The following FAM169A variants were observed in gnomAD, a reference collection of about 807,000 sequenced individuals.
FAM169A encodes family with sequence similarity 169 member A.
In FAM169A, 24 loss-of-function variants were observed where a neutral mutation model predicts 75.7. That is an observed-to-expected ratio of 0.32 (90% CI 0.23 to 0.45). The LOEUF (loss-of-function observed/expected upper bound fraction) is 0.45, where lower values mean the gene tolerates loss of function less well. Among genes scored for constraint, FAM169A ranks in the 20% least tolerant of loss-of-function variants. FAM169A has a pLI of 1.00. For missense variants in FAM169A, 673 were observed against 784.0 expected (o/e 0.86, Z 1.69); for synonymous variants, 271 against 271.0 (o/e 1.00, Z 0.00).
chr5:74,815,929 G>A (rs1747446903), intron 5 of FAM169A, among the ~76,000 whole-genome samples: 1 of 152,174 alleles, frequency 6.6e-6, no homozygotes, highest in South Asian at 2.1e-4. Flanking sequence ...ATATCATCAA[G>A]AAATAATCAT....
intron 1 of FAM169A, among the ~76,000 whole-genome samples, chr5:74,851,324 T>G (rs1749434737): frequency 6.6e-6 from 1 of 152,188 alleles, no homozygotes; most frequent in Non-Finnish European, 1.5e-5. Context: ...GCCTCCATCC[T>G]AATTCCAAGG....
At chr5:74,856,590 C>G (rs1232238138) in intron 1 of FAM169A, among the ~76,000 whole-genome samples, 3 of 151,912 alleles carry the variant, frequency 2.0e-5, no homozygotes, top group Non-Finnish European at 4.4e-5. Context: ...AAATAAAATA[C>G]ACTACATTGC....
rs1047385977 is a variant in FAM169A, at chr5:74,779,309, G to A, written c.*2151C>T. 5.9e-5 allele frequency: 9 copies of A among 152,236 alleles called. No individual in the cohort carries two copies. The highest frequency in any genetic ancestry group is 1.9e-4 in the African/African-American group (8 of 41,570). The allele number at this position is 152,236 out of a possible 1,614,324, so 9.4% of individuals were successfully genotyped here. A position where few individuals can be genotyped will look rare whatever the true frequency, so the allele number is the denominator to read the frequency against. On this transcript the variant is annotated 3_prime_UTR_variant, in exon 13 of 13. Transcript: ENST00000687041. ...ACACTTGTCTAAAGAAAGTCTTTTA[G>A]TGCTCACTTCGGCAGCACATATACT...
In FAM169A at chr5:74,803,209, G is replaced by A. The variant is rs373371818; in HGVS notation, c.912+1284C>T. Among the ~76,000 whole-genome samples, 20 of 152,116 alleles carry A rather than the reference G, an allele frequency of 1.3e-4. No individual in the cohort carries two copies. The East Asian group carries it at 3.3e-3, about 25-fold the overall frequency. On this transcript the variant is annotated intron_variant, in intron 8 of 12. Transcript: ENST00000687041. ...TAAAATTATTTGGCTTAGTATTAAA[G>A]TAAATCATTGCTCTCGTTACATTTA...
At chr5:74,865,950 G>A (rs1017896166) in intron 1 of FAM169A, 1 of 153,522 alleles carries the variant, frequency 6.5e-6, no homozygotes, top group African/African-American at 2.4e-5. Context: ...ACGCCCTACG[G>A]GATCCCCGCA....
In FAM169A at chr5:74,799,065, C is replaced by T. The variant is rs532679374; in HGVS notation, c.1103+1815G>A. The T allele has an allele frequency of 6.7e-4, 682 of 1,013,030 alleles. 12 individuals carry two copies. Among genetic ancestry groups the T allele is most frequent in the South Asian group, 5.8e-3 (462 of 79,026 alleles). The allele number at this position is 1,013,030 out of a possible 1,614,324, so 62.8% of individuals were successfully genotyped here. A position where few individuals can be genotyped will look rare whatever the true frequency, so the allele number is the denominator to read the frequency against. ...GAAACAGGGATCGTACCCAGATTGC[C>T]CTCAGTGTCAATAATCACGAAGTGC... On this transcript the variant is annotated intron_variant, in intron 10 of 12. Coordinates refer to ENST00000687041, the MANE Select transcript of FAM169A (RefSeq NM_001376049.1).
At chr5:74,808,475 G>A (rs942265412) in intron 6 of FAM169A, among the ~76,000 whole-genome samples, 3 of 152,156 alleles carry the variant, frequency 2.0e-5, no homozygotes, top group Admixed American at 2.0e-4. Flanking sequence ...CCAGAAGATG[G>A]GGGTAGGGGA....
intron 5 of FAM169A, among the ~76,000 whole-genome samples, chr5:74,828,082 A>C (rs1561311139): frequency 6.6e-6 from 1 of 152,212 alleles, no homozygotes; most frequent in Non-Finnish European, 1.5e-5. Flanking sequence ...ATAAGTGCTT[A>C]AGAACCTTGT....
chr5:74,827,249 T>C (rs1417204222), intron 5 of FAM169A, among the ~76,000 whole-genome samples: 2 of 152,164 alleles, frequency 1.3e-5, no homozygotes, highest in Non-Finnish European at 2.9e-5. Flanking sequence ...ACAAAACTAT[T>C]ACACCCTTCT....
intron 5 of FAM169A, among the ~76,000 whole-genome samples, chr5:74,826,778 A>G (rs1321288690): frequency 6.6e-6 from 1 of 152,238 alleles, no homozygotes; most frequent in Non-Finnish European, 1.5e-5. Flanking sequence ...TAACATTGCT[A>G]TAATACTGTT....
chr5:74,849,659 TTTCTGTTTTC>T (rs1379657072), intron 1 of FAM169A, among the ~76,000 whole-genome samples: 1 of 152,024 alleles, frequency 6.6e-6, no homozygotes, highest in Non-Finnish European at 1.5e-5. Context: ...ATCCCTCCCT[TTTCTGTTTTC>T]TAACATCATT....
intron 1 of FAM169A, among the ~76,000 whole-genome samples, chr5:74,842,182 G>A (rs1288323660): frequency 8.0e-6 from 1 of 124,434 alleles, no homozygotes; most frequent in Non-Finnish European, 1.6e-5. Context: ...AGCACTTTGG[G>A]GGGCCAAGGA....
chr5:74,826,586 T>C (rs1043110338), intron 5 of FAM169A, among the ~76,000 whole-genome samples: 1 of 152,242 alleles, frequency 6.6e-6, no homozygotes, highest in Non-Finnish European at 1.5e-5. Flanking sequence ...TTCATCTAAG[T>C]TTCAATCAAT....
Position 74,840,127 on chromosome 5 carries a change from C to T in FAM169A, c.179G>A (p.Gly60Glu). ...AGCAAGAATTTTCTGGGTCTGATCT[C>T]CACCATAAAGAGGTACAAAGCCTAC... Reference protein sequence around the residue: ...SNVGFVPLYGGDQTQKILALF... With the variant: ...SNVGFVPLYGEDQTQKILALF... Residue 60 changes from glycine to glutamate, a missense_variant, in exon 3 of 13, where the codon GGA becomes GAA. By Grantham distance (98) the Gly-to-Glu change is moderately conservative. Around this residue, in one of 3 missense-constraint regions of FAM169A, gnomAD observed 107 missense variants for 180.8 expected, o/e 0.59. Transcript: ENST00000687041. The T allele has an allele frequency of 1.2e-6, 2 of 1,601,544 alleles. No homozygotes were observed. The highest frequency in any genetic ancestry group is 2.3e-5 in the South Asian group (2 of 87,592).
At position 74,823,682 on chromosome 5, in the gene FAM169A, T is replaced by C. The variant is rs148783876; in HGVS notation, c.491-9663A>G. Among the ~76,000 whole-genome samples, 225 of 152,280 alleles carry C rather than the reference T, an allele frequency of 1.5e-3. 1 individual carries two copies. Among genetic ancestry groups the C allele is most frequent in the African/African-American group, 5.3e-3 (219 of 41,548 alleles). On this transcript the variant is annotated intron_variant, in intron 5 of 12. Transcript: ENST00000687041. ...GCAAGCAAGTGGTTTTTCAGATAGCTAGAACTTCACCTCAACAAAGCAGCC... is the reference window on the plus strand; with the variant it reads ...GCAAGCAAGTGGTTTTTCAGATAGCCAGAACTTCACCTCAACAAAGCAGCC...
At chr5:74,787,000 G>A (rs1159673535) in intron 11 of FAM169A, among the ~76,000 whole-genome samples, 1 of 152,128 alleles carries the variant, frequency 6.6e-6, no homozygotes, top group Non-Finnish European at 1.5e-5. Flanking sequence ...ATCACCTCAG[G>A]AGAAGAGAGC....
At chr5:74,814,317 A>G (rs1437842558) in intron 5 of FAM169A, among the ~76,000 whole-genome samples, 1 of 152,116 alleles carries the variant, frequency 6.6e-6, no homozygotes, top group Non-Finnish European at 1.5e-5. Context: ...TATATATACC[A>G]TCACTGTCTA....
intron 6 of FAM169A, among the ~76,000 whole-genome samples, chr5:74,805,612 C>G (rs1413449459): frequency 7.6e-5 from 11 of 144,436 alleles, no homozygotes; most frequent in South Asian, 4.4e-4. Flanking sequence ...CTCACTGCAA[C>G]CTCCGCCTCC....
In FAM169A at chr5:74,779,645, G is replaced by T. The variant is rs1281955227; in HGVS notation, c.*1815C>A. The T allele has an allele frequency of 2.7e-5, 4 of 150,768 alleles. No homozygotes were observed. The East Asian group carries it at 7.8e-4, about 29-fold the overall frequency. The allele number at this position is 150,768 out of a possible 1,614,324, so 9.3% of individuals were successfully genotyped here. A position where few individuals can be genotyped will look rare whatever the true frequency, so the allele number is the denominator to read the frequency against. Reference sequence around the variant, plus strand: ...ACTTTTTTTTTTTTACTTAGTATTAGCATTTGTTGAAAAAATAAATGGCCA... The same window carrying T: ...ACTTTTTTTTTTTTACTTAGTATTATCATTTGTTGAAAAAATAAATGGCCA... On this transcript the variant is annotated 3_prime_UTR_variant, in exon 13 of 13. Coordinates refer to ENST00000687041, the MANE Select transcript of FAM169A (RefSeq NM_001376049.1).
Sources: allele counts gnomAD v4.1 joint callset (sites outside exome capture counted in the v4.1 genomes callset), GRCh38; gene constraint gnomAD v4.1.1; regional missense constraint gnomAD v4.1.1; transcripts MANE v1.5; gene names NCBI Gene and HGNC (gene_info 2026-07-23, HGNC 2026-07-21).